Variants in SIM1 observed in about 807,000 individuals in gnomAD.
SIM1 encodes the protein single-minded homolog 1.
A neutral mutation model predicts 78.2 loss-of-function variants in SIM1; 18 were observed. That is an observed-to-expected ratio of 0.23 (90% CI 0.16 to 0.34). SIM1 has a LOEUF of 0.34. Ranked by LOEUF, SIM1 falls within the 10% of genes least tolerant of loss-of-function variation. The probability of loss-of-function intolerance (pLI) is 1.00; values close to 1 mark genes in which losing one functional copy is unlikely to be tolerated. For missense variants in SIM1, 939 were observed against 975.1 expected (o/e 0.96, Z 0.49); for synonymous variants, 417 against 385.2 (o/e 1.08, Z -0.97).
chr6:100,396,493 C>G (rs1562232921), intron 10 of SIM1, among the ~76,000 whole-genome samples: 1 of 151,886 alleles, frequency 6.6e-6, no homozygotes, highest in Non-Finnish European at 1.5e-5. Flanking sequence ...TCAAGAGCAC[C>G]CAAAGAAGAA....
intron 10 of SIM1, among the ~76,000 whole-genome samples, chr6:100,403,685 A>G (rs1421970023): frequency 1.3e-5 from 2 of 152,230 alleles, no homozygotes; most frequent in African/African-American, 4.8e-5. Flanking sequence ...TTATTTAGGA[A>G]AAAGGAAAAG....
chr6:100,401,166 A>C (rs374168923), intron 10 of SIM1, among the ~76,000 whole-genome samples: 4 of 152,262 alleles, frequency 2.6e-5, no homozygotes, highest in South Asian at 4.1e-4. Flanking sequence ...CCAGAATCTA[A>C]CCATGAAGAA....
chr6:100,433,144 C>T (rs955774150), intron 9 of SIM1, among the ~76,000 whole-genome samples: 5 of 152,178 alleles, frequency 3.3e-5, no homozygotes, highest in African/African-American at 1.2e-4. Context: ...CTCCACCATC[C>T]ATACTCTCCA....
At chr6:100,447,229 C>A in intron 9 of SIM1, 39 bp downstream of exon 9, 5 of 1,601,544 alleles carry the variant, frequency 3.1e-6, no homozygotes, top group Non-Finnish European at 4.3e-6. Context: ...AGAGCAGGGT[C>A]GCCTGGGGTG....
intron 10 of SIM1, among the ~76,000 whole-genome samples, chr6:100,415,666 G>T (rs1360511431): frequency 2.0e-5 from 3 of 152,120 alleles, no homozygotes; most frequent in African/African-American, 7.2e-5. Flanking sequence ...ATCTATTAAT[G>T]CAGACAAACT....
At chr6:100,398,240 TTTAA>T (rs1770815503) in intron 10 of SIM1, among the ~76,000 whole-genome samples, 1 of 152,170 alleles carries the variant, frequency 6.6e-6, no homozygotes, top group South Asian at 2.1e-4. Flanking sequence ...CCAAGTCCTC[TTTAA>T]TTGTTTCCTT....
intron 10 of SIM1, among the ~76,000 whole-genome samples, chr6:100,416,772 T>C (rs1366526241): frequency 1.3e-5 from 2 of 152,138 alleles, no homozygotes; most frequent in African/African-American, 4.8e-5. Flanking sequence ...ATGATCAGAA[T>C]ATATTTATGA....
At chr6:100,451,865 C>T (rs1278551277) in intron 3 of SIM1, among the ~76,000 whole-genome samples, 1 of 152,140 alleles carries the variant, frequency 6.6e-6, no homozygotes, top group East Asian at 1.9e-4. Context: ...CAAGTGTATG[C>T]AGATTTCCAT....
intron 9 of SIM1, among the ~76,000 whole-genome samples, chr6:100,445,975 T>C (rs1772342958): frequency 6.6e-6 from 1 of 152,248 alleles, no homozygotes; most frequent in Non-Finnish European, 1.5e-5. Flanking sequence ...AATTTTGTTT[T>C]GTATTAAAAT....
rs1380925501 is a variant in SIM1 at position 100,386,982 on chromosome 6, C to G, written c.*3379G>C. ...ATAACACATCAAATCTATATATTCC[C>G]AATAACAATTTAAACAGAATTTTCC... On this transcript the variant is annotated 3_prime_UTR_variant, in exon 12 of 12. Transcript: ENST00000369208. 2 of 151,916 alleles carry G rather than the reference C, an allele frequency of 1.3e-5. No individual in the cohort carries two copies. The highest frequency in any genetic ancestry group is 2.9e-5 in the Non-Finnish European group (2 of 67,890). The allele number at this position is 151,916 out of a possible 1,614,324, so 9.4% of individuals were successfully genotyped here. A position where few individuals can be genotyped will look rare whatever the true frequency, so the allele number is the denominator to read the frequency against.
chr6:100,429,703 T>C (rs1771852124), intron 9 of SIM1, among the ~76,000 whole-genome samples: 1 of 152,244 alleles, frequency 6.6e-6, no homozygotes, highest in South Asian at 2.1e-4. Flanking sequence ...ATTTTTTCTC[T>C]AGTATGTGTG....
chr6:100,461,201 A>G (rs534477516), intron 2 of SIM1, among the ~76,000 whole-genome samples: 190 of 152,318 alleles, frequency 1.2e-3, no homozygotes, highest in Non-Finnish European at 1.1e-3. Context: ...AAAAATAACG[A>G]GAGGTTGGCT....
rs894864367 is a variant in SIM1, at chr6:100,388,439, T to C, written c.*1922A>G. 5.3e-5 allele frequency: 8 copies of C among 152,200 alleles called. No individual in the cohort carries two copies. The highest frequency in any genetic ancestry group is 1.7e-4 in the African/African-American group (7 of 41,462). 9.4% of individuals were successfully genotyped at this position (152,200 alleles called of 1,614,324 possible). ...AACTGCACTTTGAATTTTTTGAAAATATATATAACCACTAACTTTCTCACT... is the reference window on the plus strand; with the variant it reads ...AACTGCACTTTGAATTTTTTGAAAACATATATAACCACTAACTTTCTCACT... On this transcript the variant is annotated 3_prime_UTR_variant, in exon 12 of 12. Transcript: ENST00000369208.
intron 9 of SIM1, among the ~76,000 whole-genome samples, chr6:100,438,223 A>G (rs1383647435): frequency 6.6e-6 from 1 of 152,232 alleles, no homozygotes; most frequent in Non-Finnish European, 1.5e-5. Context: ...CTGACAAAGA[A>G]CGAGTATTCA....
At chr6:100,454,331 T>C (rs1772590673) in intron 2 of SIM1, among the ~76,000 whole-genome samples, 1 of 152,216 alleles carries the variant, frequency 6.6e-6, no homozygotes, top group African/African-American at 2.4e-5. Flanking sequence ...GGCTTTCTGA[T>C]TGGCTGCGGG....
intron 10 of SIM1, among the ~76,000 whole-genome samples, chr6:100,404,577 A>C (rs564531019): frequency 6.6e-6 from 1 of 152,266 alleles, no homozygotes; most frequent in African/African-American, 2.4e-5. Flanking sequence ...CCTGAAACAT[A>C]AAATATGTTC....
rs747444089 is a variant in SIM1, at chr6:100,390,852, G to C, written c.1810C>G (p.Leu604Val). 2.5e-6 allele frequency: 4 copies of C among 1,614,210 alleles called. No homozygotes were observed. Among genetic ancestry groups the C allele is most frequent in the Non-Finnish European group, 2.5e-6 (3 of 1,180,036 alleles). Residue 604 changes from leucine (L) to valine (V), a missense_variant, in exon 12 of 12, where the codon CTG becomes GTG. By Grantham distance (32) the Leu-to-Val change is conservative. This residue lies in a region of SIM1 where 556 missense variants were observed against 521.9 expected (regional missense o/e 1.07). Coordinates refer to ENST00000369208, the MANE Select transcript of SIM1 (RefSeq NM_005068.3). ...SINGAGKKHS[L>V]CFANYQQPPP... The stretch of plus-strand genomic sequence containing the variant: ...GGCTGTTGGTAGTTTGCAAAACACA[G>C]GGAGTGTTTTTTCCCAGCCCCATTA...
At chr6:100,450,017 C>T (rs1256089642) in intron 4 of SIM1, among the ~76,000 whole-genome samples, 1 of 152,168 alleles carries the variant, frequency 6.6e-6, no homozygotes. Context: ...ATGTAACGTC[C>T]TCTCATGTTG....
rs3213541 is a variant in SIM1, at chr6:100,448,367, A to G, written c.743+112T>C. On this transcript the variant is annotated intron_variant, in intron 7 of 11. Coordinates refer to ENST00000369208, the MANE Select transcript of SIM1 (RefSeq NM_005068.3). ...TGTCCGCCCTCACTTTCCAGGGCCG[A>G]TTCAGTCGCCTCATGTGCAAAATGG... The G allele has an allele frequency of 0.27, 372,054 of 1,387,752 alleles. 51,967 individuals carry two copies. The highest frequency in any genetic ancestry group is 0.43 in the East Asian group (17,182 of 40,280). The allele number at this position is 1,387,752 out of a possible 1,614,324, so 86.0% of individuals were successfully genotyped here. A position where few individuals can be genotyped will look rare whatever the true frequency, so the allele number is the denominator to read the frequency against.
Sources: allele counts gnomAD v4.1 joint callset (sites outside exome capture counted in the v4.1 genomes callset), GRCh38; gene constraint gnomAD v4.1.1; regional missense constraint gnomAD v4.1.1; transcripts MANE v1.5; gene names NCBI Gene and HGNC (gene_info 2026-07-23, HGNC 2026-07-21).